Variants in NCAPG observed in about 807,000 individuals in gnomAD.
The protein encoded by NCAPG is non-SMC condensin I complex subunit G, also known as condensin complex subunit 3.
A neutral mutation model predicts 113.1 loss-of-function variants in NCAPG; 69 were observed. The ratio of observed to expected loss-of-function variants is 0.61; its 90% CI spans 0.50 to 0.75. NCAPG has a LOEUF of 0.75. NCAPG is among the 30% of genes least tolerant of loss of function. The pLI, the probability that NCAPG is intolerant of heterozygous loss-of-function variation, is 0.00. For missense variants in NCAPG, 1,058 were observed against 1,177.0 expected (o/e 0.90, Z 1.48); for synonymous variants, 370 against 415.8 (o/e 0.89, Z 1.34).
At chr4:17,817,147 TAACCTC>T in intron 5 of NCAPG, 108 bp from the exon 6 acceptor site, 1 of 724,914 alleles carries the variant, frequency 1.4e-6, no homozygotes. Flanking sequence ...TTGTGCCTCT[TAACCTC>T]TACTATTTCT....
chr4:17,836,286 C>A (rs1317093291), intron 14 of NCAPG, among the ~76,000 whole-genome samples: 1 of 152,112 alleles, frequency 6.6e-6, no homozygotes, highest in Non-Finnish European at 1.5e-5. Context: ...TGTTCAAGTC[C>A]TTTGCCCATT....
Position 17,837,264 on chromosome 4 carries a change from A to C in NCAPG, c.2215A>C (p.Asn739His). 2 of 1,614,012 alleles carry C rather than the reference A, an allele frequency of 1.2e-6. No individual in the cohort carries two copies. The highest frequency in any genetic ancestry group is 1.7e-6 in the Non-Finnish European group (2 of 1,179,948). Residue 739 changes from asparagine to histidine, a missense_variant, in exon 15 of 21, where the codon AAT becomes CAT. Physicochemically the swap from Asn to His is moderately conservative, Grantham distance 68. Transcript: ENST00000251496. ...TTCTCGTCTTATTTTGTTATGGTAC[A>C]ATCCTGTGACTGAAGAGGATGTTCA... The part of the protein sequence containing the change: ...ILSRLILLWY[N>H]PVTEEDVQLR...
At chr4:17,812,130 T>G (rs998349802) in intron 1 of NCAPG, 91 bp from the exon 2 acceptor site, 32 of 926,754 alleles carry the variant, frequency 3.5e-5, no homozygotes, top group Non-Finnish European at 5.3e-5. Flanking sequence ...TCTGCATTAT[T>G]ATGGCTAGTG....
chr4:17,812,148 C>T (rs1721004362), intron 1 of NCAPG, 73 bp from the exon 2 acceptor site: 5 of 1,083,026 alleles, frequency 4.6e-6, no homozygotes, highest in Non-Finnish European at 6.8e-6. Flanking sequence ...GTGCTTTCAT[C>T]AGTCTTAGGG....
intron 12 of NCAPG, among the ~76,000 whole-genome samples, chr4:17,829,355 G>A (rs1051446492): frequency 6.6e-6 from 1 of 152,176 alleles, no homozygotes; most frequent in Non-Finnish European, 1.5e-5. Flanking sequence ...CCTGAATGTA[G>A]TAAAGAAAAC....
chr4:17,812,856 ATAT>A (rs1483619494), intron 2 of NCAPG, 58 bp from the exon 3 acceptor site: 13 of 1,354,070 alleles, frequency 9.6e-6, no homozygotes, highest in African/African-American at 5.8e-5. Flanking sequence ...AGTTCAGATA[ATAT>A]TGATTATTTG....
intron 16 of NCAPG, among the ~76,000 whole-genome samples, chr4:17,838,097 TCA>T (rs2109064793): frequency 6.6e-6 from 1 of 152,300 alleles, no homozygotes; most frequent in African/African-American, 2.4e-5. Flanking sequence ...TATCTAGGAC[TCA>T]CAGAGTCTTC....
intron 13 of NCAPG, among the ~76,000 whole-genome samples, chr4:17,831,970 A>G (rs909890175): frequency 1.8e-4 from 28 of 151,982 alleles, no homozygotes; most frequent in Non-Finnish European, 5.9e-5. Flanking sequence ...ATATTTTTAG[A>G]TTTTTGTGGG....
intron 13 of NCAPG, among the ~76,000 whole-genome samples, chr4:17,832,704 A>C (rs1246828092): frequency 1.3e-5 from 2 of 152,170 alleles, no homozygotes; most frequent in African/African-American, 4.8e-5. Flanking sequence ...CTGAGGAATG[A>C]GTATAGACTG....
Position 17,814,941 on chromosome 4 carries a change from A to G in NCAPG, c.633A>G (p.Pro211=), listed in dbSNP as rs764594556. ...TTGCACCATCAGCAAAGACTTTGCC[A>G]AAAATTGTAGGGCGCACCAAGGATG... The part of the protein sequence containing the change: ...SCIAPSAKTL[P]KIVGRTKDVK... The change falls in exon 4 of 21, where the codon CCA becomes CCG. Residue 211 remains proline (P), a synonymous_variant. Transcript: ENST00000251496. 6.2e-7 allele frequency: 1 copy of G among 1,614,214 alleles called. No homozygotes were observed. The highest frequency in any genetic ancestry group is 1.1e-5 in the South Asian group (1 of 91,078).
At position 17,842,350 on chromosome 4, in the gene NCAPG, GT is replaced by G. The variant is rs757441201; in HGVS notation, c.2896del (p.Cys966ValfsTer21). 1 of 1,612,204 alleles carries G rather than the reference GT, an allele frequency of 6.2e-7. No individual in the cohort carries two copies. Among genetic ancestry groups the G allele is most frequent in the South Asian group, 1.1e-5 (1 of 91,038 alleles). On this transcript the variant is annotated frameshift_variant, in exon 20 of 21. Transcript: ENST00000251496. LOFTEE classifies it high-confidence loss of function. ...CAGTTTCAGCTAGGACGAACAGGAGGTGTCAGACTGCTGAAGCCGACTCTGA... is the reference window on the plus strand; with the variant it reads ...CAGTTTCAGCTAGGACGAACAGGAGGGTCAGACTGCTGAAGCCGACTCTGA... ...VTVSARTNRR[C>X]QTAEADSESD...
intron 11 of NCAPG, among the ~76,000 whole-genome samples, chr4:17,827,558 A>G (rs191983910): frequency 3.3e-4 from 51 of 152,318 alleles, no homozygotes; most frequent in African/African-American, 1.2e-3. Context: ...GGTTTAGACA[A>G]CTGGGTAGAT....
chr4:17,830,068 C>G (rs886897359), intron 12 of NCAPG, among the ~76,000 whole-genome samples: 5 of 152,076 alleles, frequency 3.3e-5, no homozygotes, highest in African/African-American at 1.2e-4. Context: ...CTTTTAAAAA[C>G]TAGACCAAAA....
At chr4:17,842,915 CTA>C in intron 20 of NCAPG, 1 of 161,110 alleles carries the variant, frequency 6.2e-6, no homozygotes, top group Non-Finnish European at 1.4e-5. Flanking sequence ...TTGTTTTTTA[CTA>C]TGTTTTTGGA....
chr4:17,811,178 C>T lies in NCAPG; in HGVS notation c.101C>T (p.Thr34Ile). 6.7e-7 allele frequency: 1 copy of T among 1,487,988 alleles called. No homozygotes were observed. The highest frequency in any genetic ancestry group is 9.0e-7 in the Non-Finnish European group (1 of 1,114,280). The allele number at this position is 1,487,988 out of a possible 1,614,324, so 92.2% of individuals were successfully genotyped here. The change falls in exon 1 of 21, where the codon ACC (threonine) becomes ATC (isoleucine). Residue 34 changes from threonine (T) to isoleucine (I), a missense_variant. Transcript: ENST00000251496. The surrounding 1 kb of genome is among the most constrained non-coding windows in gnomAD (Gnocchi z 5.3). ...QAKLVVALSRTYRTMDDKTVF... is the reference protein window; with the variant it reads ...QAKLVVALSRIYRTMDDKTVF... Reference sequence around the variant, plus strand: ...AAGCTGGTGGTGGCGCTGAGCCGCACCTACCGCACGGTAAGCGCTCCCGGC... The same window carrying T: ...AAGCTGGTGGTGGCGCTGAGCCGCATCTACCGCACGGTAAGCGCTCCCGGC...
Position 17,817,341 on chromosome 4 carries a change from C to A in NCAPG, c.856C>A (p.His286Asn), listed in dbSNP as rs1721251655. 6.2e-7 allele frequency: 1 copy of A among 1,614,056 alleles called. No homozygotes were observed. The highest frequency in any genetic ancestry group is 2.2e-5 in the East Asian group (1 of 44,862). Reference protein sequence around the residue: ...FSEGNILELLHRLDVENSSEV... With the variant: ...FSEGNILELLNRLDVENSSEV... ...TGAAGGAAATATCTTAGAGTTGCTC[C>A]ATCGGTTGGATGTAGAAAATTCTTC... The change falls in exon 6 of 21, where the codon CAT becomes AAT. Residue 286 changes from histidine to asparagine, a missense_variant. By Grantham distance (68) the His-to-Asn change is moderately conservative. Coordinates refer to ENST00000251496, the MANE Select transcript of NCAPG (RefSeq NM_022346.5).
chr4:17,811,290 C>G lies in NCAPG; in HGVS notation c.111+102C>G. ...GGGCTCGGCGCACCGTGACTCCAGC[C>G]TTGTTCACCTTCGCGACTCACTTCA... On this transcript the variant is annotated intron_variant, in intron 1 of 20. Transcript: ENST00000251496. The surrounding 1 kb of genome is among the most constrained non-coding windows in gnomAD (Gnocchi z 5.3). 1 of 642,912 alleles carries G rather than the reference C, an allele frequency of 1.6e-6. No individual in the cohort carries two copies. Among genetic ancestry groups the G allele is most frequent in the Non-Finnish European group, 2.5e-6 (1 of 396,644 alleles). 39.8% of individuals were successfully genotyped at this position (642,912 alleles called of 1,614,324 possible).
At chr4:17,835,762 A>G (rs1722070635) in intron 14 of NCAPG, among the ~76,000 whole-genome samples, 1 of 152,026 alleles carries the variant, frequency 6.6e-6, no homozygotes, top group South Asian at 2.1e-4. Context: ...TTAGCATAAC[A>G]TTTTCGAGAT....
chr4:17,825,661 T>C (rs1020217553), intron 11 of NCAPG, 100 bp downstream of exon 11: 29 of 1,096,004 alleles, frequency 2.6e-5, no homozygotes, highest in Non-Finnish European at 2.5e-5. Flanking sequence ...TATATTTACT[T>C]TGAGCACTTT....
Sources: gnomAD v4.1 joint callset for allele counts (sites outside exome capture counted in the v4.1 genomes callset) on GRCh38, gnomAD v4.1.1 for gene constraint, Gnocchi (gnomAD v3.1) non-coding constraint, MANE v1.5 for transcripts, NCBI Gene and HGNC (gene_info 2026-07-23, HGNC 2026-07-21) for gene names.